The following CDK6 variants were observed in gnomAD, a reference collection of about 807,000 sequenced individuals.
CDK6 encodes the protein cyclin dependent kinase 6.
In CDK6, 6 loss-of-function variants were observed where a neutral mutation model predicts 37.1. The ratio of observed to expected loss-of-function variants is 0.16; its 90% confidence interval spans 0.09 to 0.32. CDK6 has a LOEUF of 0.32. Among genes scored for constraint, CDK6 ranks in the 10% least tolerant of loss-of-function variants. CDK6 has a pLI of 1.00. For synonymous variants in CDK6, 160 were observed against 161.3 expected (o/e 0.99, Z 0.06); for missense variants, 224 against 418.9 (o/e 0.53, Z 4.06).
intron 4 of CDK6, among the ~76,000 whole-genome samples, chr7:92,716,113 T>G (rs1798224643): frequency 6.6e-6 from 1 of 152,198 alleles, no homozygotes; most frequent in Non-Finnish European, 1.5e-5. Context: ...TTGAAAGTTG[T>G]GTCTAAAACA....
chr7:92,728,086 T>C (rs1250564930), intron 3 of CDK6, among the ~76,000 whole-genome samples: 1 of 152,246 alleles, frequency 6.6e-6, no homozygotes, highest in Non-Finnish European at 1.5e-5. Context: ...CAATTAGCAG[T>C]ATACAAATTT....
chr7:92,721,967 T>C (rs919147967), intron 4 of CDK6, among the ~76,000 whole-genome samples: 1 of 152,230 alleles, frequency 6.6e-6, no homozygotes, highest in Non-Finnish European at 1.5e-5. Flanking sequence ...TCTTGAATAC[T>C]GGCATAGAGC....
In CDK6 at chr7:92,734,631, C is replaced by A. The variant is rs988048089; in HGVS notation, c.370-8838G>T. The stretch of plus-strand genomic sequence containing the variant: ...AGGGCCCAAACAAAACTAAAAATGA[C>A]CATGAAATCTATGAAGGCCATTAGC... On this transcript the variant is annotated intron_variant, in intron 3 of 7. Transcript: ENST00000424848. Among the ~76,000 whole-genome samples, 48 of 152,124 alleles carry A rather than the reference C, an allele frequency of 3.2e-4. 1 individual carries two copies. The highest frequency in any genetic ancestry group is 5.9e-5 in the Non-Finnish European group (4 of 68,036).
intron 2 of CDK6, among the ~76,000 whole-genome samples, chr7:92,811,064 A>T (rs1800871751): frequency 6.6e-6 from 1 of 152,148 alleles, no homozygotes; most frequent in African/African-American, 2.4e-5. Flanking sequence ...CCAAAGAAAA[A>T]AAAAGGCAAT....
chr7:92,640,501 A>G (rs1796279123), intron 5 of CDK6, among the ~76,000 whole-genome samples: 1 of 152,204 alleles, frequency 6.6e-6, no homozygotes, highest in Admixed American at 6.5e-5. Flanking sequence ...CGTATCAACA[A>G]AAACTCCATT....
chr7:92,782,988 T>C (rs1367393114), intron 2 of CDK6, among the ~76,000 whole-genome samples: 1 of 152,128 alleles, frequency 6.6e-6, no homozygotes, highest in Non-Finnish European at 1.5e-5. Flanking sequence ...CTATTCACCT[T>C]AAATGGCTCC....
intron 4 of CDK6, among the ~76,000 whole-genome samples, chr7:92,693,644 T>C (rs1462521107): frequency 6.6e-6 from 1 of 152,234 alleles, no homozygotes; most frequent in Non-Finnish European, 1.5e-5. Context: ...CTTTTTCTTT[T>C]GTGCTACTTG....
chr7:92,672,190 T>TACACAA (rs1273649011), intron 4 of CDK6, among the ~76,000 whole-genome samples: 8 of 62,790 alleles, frequency 1.3e-4, no homozygotes, highest in African/African-American at 8.1e-4. Context: ...CACAGACACA[T>TACACAA]ACACACACAC....
intron 2 of CDK6, among the ~76,000 whole-genome samples, chr7:92,799,363 C>T (rs961438532): frequency 4.6e-5 from 7 of 152,144 alleles, no homozygotes; most frequent in African/African-American, 1.4e-4. Context: ...CTACTCCTCC[C>T]CGAAACTCTC....
At chr7:92,686,612 T>C (rs1562935637) in intron 4 of CDK6, among the ~76,000 whole-genome samples, 2 of 152,168 alleles carry the variant, frequency 1.3e-5, no homozygotes, top group Non-Finnish European at 2.9e-5. Context: ...AGTATTTTTT[T>C]CGTACAACTT....
rs566444898 is a variant in CDK6, at chr7:92,694,076, G to C, written c.538-22541C>G. ...CATCTGTGAACACCACACAGTATAGGGGGTATGTGACTAGATGGACTAAGG... is the reference window on the plus strand; with the variant it reads ...CATCTGTGAACACCACACAGTATAGCGGGTATGTGACTAGATGGACTAAGG... On this transcript the variant is annotated intron_variant, in intron 4 of 7. Transcript: ENST00000424848. Among the ~76,000 whole-genome samples, 6 of 152,196 alleles carry C rather than the reference G, an allele frequency of 3.9e-5. No homozygotes were observed. The South Asian group carries it at 8.3e-4, about 21-fold the overall frequency.
intron 5 of CDK6, among the ~76,000 whole-genome samples, chr7:92,662,688 C>A (rs183838776): frequency 1.3e-5 from 2 of 152,248 alleles, no homozygotes; most frequent in African/African-American, 4.8e-5. Flanking sequence ...ACTGCTCTGT[C>A]TCCACGTATT....
intron 3 of CDK6, among the ~76,000 whole-genome samples, chr7:92,754,392 A>G (rs1418558605): frequency 6.6e-6 from 1 of 152,212 alleles, no homozygotes; most frequent in Non-Finnish European, 1.5e-5. Context: ...CAGAGGAGAA[A>G]GTTCCAGGTC....
At chr7:92,826,472 G>T (rs958150862) in intron 2 of CDK6, among the ~76,000 whole-genome samples, 1 of 152,034 alleles carries the variant, frequency 6.6e-6, no homozygotes, top group African/African-American at 2.4e-5. Context: ...GGTGGAGAGT[G>T]GTGCAGGAGA....
At chr7:92,706,507 C>T (rs1477924918) in intron 4 of CDK6, among the ~76,000 whole-genome samples, 3 of 152,216 alleles carry the variant, frequency 2.0e-5, no homozygotes, top group Admixed American at 1.3e-4. Flanking sequence ...AGATTAAATA[C>T]ACAAAATGTC....
At chr7:92,620,586 C>A (rs777686974) in intron 6 of CDK6, among the ~76,000 whole-genome samples, 5 of 152,170 alleles carry the variant, frequency 3.3e-5, no homozygotes, top group East Asian at 3.8e-4. Context: ...AGGCTTAAAT[C>A]TTCCTAAACA....
rs773789968 is a variant in CDK6 at position 92,605,093 on chromosome 7, A to G, written c.*10047T>C. ...ATATTTTTATTGTAAGAAATACAAA[A>G]GGTATTACAAATATACAAACTATTT... On this transcript the variant is annotated 3_prime_UTR_variant, in exon 8 of 8. Coordinates refer to ENST00000424848, the MANE Select transcript of CDK6 (RefSeq NM_001145306.2). The G allele has an allele frequency of 4.3e-6, 1 of 231,758 alleles. No homozygotes were observed. Among genetic ancestry groups the G allele is most frequent in the African/African-American group, 2.2e-5 (1 of 45,282 alleles). 14.4% of individuals were successfully genotyped at this position (231,758 alleles called of 1,614,324 possible).
intron 3 of CDK6, among the ~76,000 whole-genome samples, chr7:92,758,561 T>C (rs1317736926): frequency 6.6e-6 from 1 of 152,158 alleles, no homozygotes; most frequent in Non-Finnish European, 1.5e-5. Context: ...TGAAGTTCGG[T>C]AGCATGATGC....
intron 4 of CDK6, among the ~76,000 whole-genome samples, chr7:92,703,930 C>T (rs1246767576): frequency 6.6e-6 from 1 of 152,180 alleles, no homozygotes; most frequent in African/African-American, 2.4e-5. Flanking sequence ...TCCCTGATCT[C>T]AGCCCTGACC....
Sources: allele counts gnomAD v4.1 joint callset (sites outside exome capture counted in the v4.1 genomes callset), GRCh38; gene constraint gnomAD v4.1.1; transcripts MANE v1.5; gene names NCBI Gene and HGNC (gene_info 2026-07-23, HGNC 2026-07-21).